Variants in SLC2A13 observed in about 807,000 individuals in gnomAD.
SLC2A13 encodes proton myo-inositol cotransporter.
SLC2A13 carries 32 observed loss-of-function variants against 64.4 expected under a neutral mutation model. That is an observed-to-expected ratio of 0.50 (90% CI 0.37 to 0.67). The LOEUF (loss-of-function observed/expected upper bound fraction) is 0.67, where lower values mean the gene tolerates loss of function less well. Ranked by LOEUF, SLC2A13 falls within the 30% of genes least tolerant of loss-of-function variation. The pLI is 0.00. For synonymous variants in SLC2A13, 338 were observed against 327.1 expected (o/e 1.03, Z -0.36); for missense variants, 743 against 829.2 (o/e 0.90, Z 1.28).
chr12:39,988,334 T>C (rs1947065244), intron 3 of SLC2A13, among the ~76,000 whole-genome samples: 1 of 152,000 alleles, frequency 6.6e-6, no homozygotes, highest in Admixed American at 6.6e-5. Flanking sequence ...AACATAATTG[T>C]TGAAAAAAAT....
intron 6 of SLC2A13, among the ~76,000 whole-genome samples, chr12:39,849,300 C>A (rs1374332725): frequency 6.6e-6 from 1 of 152,114 alleles, no homozygotes; most frequent in Non-Finnish European, 1.5e-5. Flanking sequence ...TTGGTGAATG[C>A]AGCATTTAGC....
chr12:40,048,569 T>C (rs547775087), intron 1 of SLC2A13, among the ~76,000 whole-genome samples: 31 of 152,310 alleles, frequency 2.0e-4, no homozygotes, highest in African/African-American at 7.2e-4. Context: ...TTTTAGTCTA[T>C]ATGGAAATGT....
intron 3 of SLC2A13, among the ~76,000 whole-genome samples, chr12:40,008,175 A>G (rs1947458144): frequency 1.3e-5 from 2 of 152,230 alleles, no homozygotes; most frequent in African/African-American, 2.4e-5. Flanking sequence ...GATTCCTTAT[A>G]ACAACATTCT....
chr12:40,051,266 A>G (rs1174072023), intron 1 of SLC2A13, among the ~76,000 whole-genome samples: 2 of 152,222 alleles, frequency 1.3e-5, no homozygotes, highest in Admixed American at 6.5e-5. Flanking sequence ...TGCACAGAAC[A>G]TGAGCTTAAA....
At chr12:39,830,079 C>A (rs368281976) in intron 7 of SLC2A13, 24 bp downstream of exon 7, 2 of 1,612,628 alleles carry the variant, frequency 1.2e-6, no homozygotes, top group South Asian at 1.1e-5. Context: ...ATTATATATT[C>A]GTATGGTAAA....
intron 4 of SLC2A13, among the ~76,000 whole-genome samples, chr12:39,948,121 C>A (rs1006099295): frequency 3.3e-5 from 5 of 152,064 alleles, no homozygotes; most frequent in African/African-American, 1.2e-4. Flanking sequence ...TCTACTCTTT[C>A]TCTCCTATGA....
intron 1 of SLC2A13, among the ~76,000 whole-genome samples, chr12:40,068,944 A>G (rs942607727): frequency 6.6e-6 from 1 of 152,092 alleles, no homozygotes; most frequent in African/African-American, 2.4e-5. Flanking sequence ...AGCTGACCAC[A>G]GTGTCTTCTT....
chr12:40,096,766 G>A (rs573593420), intron 1 of SLC2A13, among the ~76,000 whole-genome samples: 1 of 151,736 alleles, frequency 6.6e-6, no homozygotes, highest in South Asian at 2.1e-4. Flanking sequence ...TTATTTCTTT[G>A]CATTAATTTC....
chr12:39,943,096 A>G (rs1219095501), intron 4 of SLC2A13, among the ~76,000 whole-genome samples: 1 of 152,158 alleles, frequency 6.6e-6, no homozygotes, highest in East Asian at 1.9e-4. Flanking sequence ...GTGGAACAGC[A>G]AAGACTGCTG....
At chr12:40,030,245 C>G (rs1486590526) in intron 2 of SLC2A13, among the ~76,000 whole-genome samples, 1 of 152,176 alleles carries the variant, frequency 6.6e-6, no homozygotes, top group Non-Finnish European at 1.5e-5. Context: ...TGGACCGTCT[C>G]TTCTGGAAGA....
At chr12:40,058,266 A>T (rs757981015) in intron 1 of SLC2A13, among the ~76,000 whole-genome samples, 1 of 152,066 alleles carries the variant, frequency 6.6e-6, no homozygotes, top group African/African-American at 2.4e-5. Flanking sequence ...CAGTTTTCCA[A>T]TGTTTGAGGA....
At chr12:39,860,795 A>G (rs1160471163) in intron 6 of SLC2A13, among the ~76,000 whole-genome samples, 1 of 152,106 alleles carries the variant, frequency 6.6e-6, no homozygotes, top group Non-Finnish European at 1.5e-5. Context: ...TCACCACCAT[A>G]ATCCAGGCAA....
At chr12:39,896,509 C>A (rs1304204766) in intron 4 of SLC2A13, among the ~76,000 whole-genome samples, 1 of 131,180 alleles carries the variant, frequency 7.6e-6, no homozygotes, top group Non-Finnish European at 1.6e-5. Flanking sequence ...TATGTATGTA[C>A]ATGTGTGTAT....
chr12:40,087,233 T>C (rs1358189242), intron 1 of SLC2A13, among the ~76,000 whole-genome samples: 3 of 152,208 alleles, frequency 2.0e-5, no homozygotes, highest in Non-Finnish European at 4.4e-5. Context: ...CAAAGGCCCC[T>C]GATAATTGAG....
intron 7 of SLC2A13, among the ~76,000 whole-genome samples, chr12:39,818,490 C>T (rs572609854): frequency 3.4e-4 from 52 of 152,244 alleles, no homozygotes; most frequent in Non-Finnish European, 6.5e-4. Flanking sequence ...TGAGTAATTA[C>T]CTTCTTTGTT....
intron 4 of SLC2A13, among the ~76,000 whole-genome samples, chr12:39,910,870 G>T (rs746806247): frequency 6.6e-6 from 1 of 152,066 alleles, no homozygotes. Context: ...GGACCACGAA[G>T]TCAGGAGTTC....
intron 4 of SLC2A13, among the ~76,000 whole-genome samples, chr12:39,923,842 C>T (rs1945667441): frequency 6.6e-6 from 1 of 151,786 alleles, no homozygotes. Flanking sequence ...TCCCTCGGAG[C>T]ACATTATGTG....
intron 7 of SLC2A13, among the ~76,000 whole-genome samples, chr12:39,811,460 T>G (rs1942156144): frequency 6.6e-6 from 1 of 152,166 alleles, no homozygotes; most frequent in African/African-American, 2.4e-5. Flanking sequence ...AAGTTTGCTG[T>G]TAAGTATTGC....
chr12:39,864,675 C>A, intron 6 of SLC2A13, 87 bp downstream of exon 6: 1 of 1,532,042 alleles, frequency 6.5e-7, no homozygotes, highest in South Asian at 1.2e-5. Context: ...CAAGCTCCTA[C>A]TCATCTCTAC....
Sources: allele counts gnomAD v4.1 joint callset (sites outside exome capture counted in the v4.1 genomes callset), GRCh38; gene constraint gnomAD v4.1.1; transcripts MANE v1.5; gene names NCBI Gene and HGNC (gene_info 2026-07-23, HGNC 2026-07-21).